RUNX1: variants seen among roughly 807,000 people sequenced by gnomAD.
RUNX1 encodes RUNX family transcription factor 1, also known as runt-related transcription factor 1.
RUNX1 carries 19 observed loss-of-function variants against 42.8 expected under a neutral mutation model. The observed-to-expected ratio is 0.44, with a 90% confidence interval of 0.31 to 0.65. RUNX1 has a LOEUF of 0.65. RUNX1 is among the 30% of genes least tolerant of loss of function. The probability of loss-of-function intolerance (pLI) is 0.07; values close to 1 mark genes in which losing one functional copy is unlikely to be tolerated. For missense variants in RUNX1, 528 were observed against 672.0 expected (o/e 0.79, Z 2.37); for synonymous variants, 271 against 289.4 (o/e 0.94, Z 0.64).
chr21:34,914,943 T>G (rs561051427), intron 2 of RUNX1, among the ~76,000 whole-genome samples: 1 of 152,344 alleles, frequency 6.6e-6, no homozygotes, highest in Admixed American at 6.5e-5. Flanking sequence ...CGAGCCCACT[T>G]AAACCTGATG....
In RUNX1 at chr21:34,843,600, A is replaced by G. The variant is rs1447490849; in HGVS notation, c.614-8999T>C. On this transcript the variant is annotated intron_variant, in intron 6 of 8. Coordinates refer to ENST00000675419, the MANE Select transcript of RUNX1 (RefSeq NM_001754.5). This position sits in a 1 kb window ranked among gnomAD's most constrained non-coding sequence, Gnocchi z 4.8. ...AGCAAGCAACAGTCAATGGACAGGA[A>G]AGGCTGGCCAACGCCAAGGCAAGAT... Among the ~76,000 whole-genome samples the G allele has an allele frequency of 6.6e-6, 1 of 152,222 alleles. No individual in the cohort carries two copies. Among genetic ancestry groups the G allele is most frequent in the Non-Finnish European group, 1.5e-5 (1 of 68,040 alleles).
intron 5 of RUNX1, among the ~76,000 whole-genome samples, chr21:34,862,734 C>T (rs763767854): frequency 1.4e-4 from 22 of 152,126 alleles, no homozygotes; most frequent in South Asian, 4.2e-4. Context: ...GACTTTATCT[C>T]GATTACACCT....
intron 6 of RUNX1, among the ~76,000 whole-genome samples, chr21:34,849,315 T>C (rs1436765701): frequency 2.9e-5 from 1 of 35,066 alleles, no homozygotes; most frequent in African/African-American, 1.0e-4. Context: ...ATATATATTA[T>C]ATATATATTA....
At chr21:34,899,919 A>C (rs1454457064) in intron 2 of RUNX1, among the ~76,000 whole-genome samples, 1 of 152,196 alleles carries the variant, frequency 6.6e-6, no homozygotes. Flanking sequence ...CCAAGGCTGG[A>C]TGATTGCTTG....
intron 2 of RUNX1, among the ~76,000 whole-genome samples, chr21:35,000,476 G>A (rs749747357): frequency 3.3e-5 from 5 of 152,016 alleles, no homozygotes; most frequent in Non-Finnish European, 5.9e-5. Context: ...TCCTGACCTC[G>A]TGATCTGCCC....
intron 2 of RUNX1, among the ~76,000 whole-genome samples, chr21:35,002,323 GCC>G (rs1163294495): frequency 2.0e-5 from 3 of 151,232 alleles, no homozygotes; most frequent in Non-Finnish European, 4.4e-5. Flanking sequence ...ACCCCCAGCT[GCC>G]CCTTATTTGT....
At chr21:34,885,725 C>T (rs1377277529) in intron 4 of RUNX1, among the ~76,000 whole-genome samples, 1 of 152,178 alleles carries the variant, frequency 6.6e-6, no homozygotes, top group African/African-American at 2.4e-5. Flanking sequence ...AAATTAATCT[C>T]CCTTTAAAGG....
chr21:34,828,381 TTGA>T (rs1569031410), intron 7 of RUNX1, among the ~76,000 whole-genome samples: 1 of 152,256 alleles, frequency 6.6e-6, no homozygotes, highest in Non-Finnish European at 1.5e-5. Flanking sequence ...AGACTTGTTT[TTGA>T]TTTCACAAAG....
intron 2 of RUNX1, among the ~76,000 whole-genome samples, chr21:34,965,912 AAC>A (rs375954688): frequency 7.4e-4 from 113 of 152,318 alleles, no homozygotes; most frequent in African/African-American, 2.7e-3. Flanking sequence ...GCCTGTGGTT[AAC>A]AGTTTGGGAA....
intron 7 of RUNX1, chr21:34,829,708 T>G (rs2057036624): frequency 6.6e-6 from 1 of 152,262 alleles, no homozygotes; most frequent in African/African-American, 2.4e-5. Flanking sequence ...ATTTCTGGTG[T>G]TTGATTGTAG....
In RUNX1 at chr21:34,789,437, A is replaced by G. The variant is rs1360834598; in HGVS notation, c.*2698T>C. 4.3e-6 allele frequency: 1 copy of G among 233,650 alleles called. No homozygotes were observed. The highest frequency in any genetic ancestry group is 8.5e-6 in the Non-Finnish European group (1 of 118,074). 14.5% of individuals were successfully genotyped at this position (233,650 alleles called of 1,614,324 possible). A position where few individuals can be genotyped will look rare whatever the true frequency, so the allele number is the denominator to read the frequency against. On this transcript the variant is annotated 3_prime_UTR_variant, in exon 9 of 9. Transcript: ENST00000675419. ...ATAAATAGGGACATGAGTAAGCAGT[A>G]GAAATGGCTTATTCAATACTTCTCC...
chr21:34,878,119 G>A (rs2057840581), intron 5 of RUNX1, among the ~76,000 whole-genome samples: 2 of 147,748 alleles, frequency 1.4e-5, no homozygotes, highest in South Asian at 2.2e-4. Context: ...AAGACTAATT[G>A]TTAAAATTAG....
intron 2 of RUNX1, among the ~76,000 whole-genome samples, chr21:34,935,621 A>G (rs1158951124): frequency 6.6e-6 from 1 of 151,314 alleles, no homozygotes; most frequent in East Asian, 1.9e-4. Context: ...GGGTTTCTCA[A>G]CCTCAGAACT....
chr21:34,879,133 C>T (rs1400071597), intron 5 of RUNX1, among the ~76,000 whole-genome samples: 3 of 152,152 alleles, frequency 2.0e-5, no homozygotes, highest in African/African-American at 2.4e-5. Context: ...TCATCCGAAG[C>T]CTTTAAGATG....
chr21:35,030,858 G>T (rs919550341), intron 2 of RUNX1, among the ~76,000 whole-genome samples: 16 of 151,946 alleles, frequency 1.1e-4, no homozygotes, highest in African/African-American at 3.6e-4. Flanking sequence ...ACTACATAAA[G>T]AACTCAAACA....
At chr21:34,832,056 C>T (rs2057070224) in intron 7 of RUNX1, among the ~76,000 whole-genome samples, 1 of 142,408 alleles carries the variant, frequency 7.0e-6, no homozygotes, top group African/African-American at 2.7e-5. Flanking sequence ...ATAGTTCACA[C>T]ATTCTTTAGA....
chr21:35,029,521 C>T (rs578021323), intron 2 of RUNX1, among the ~76,000 whole-genome samples: 46 of 152,274 alleles, frequency 3.0e-4, no homozygotes, highest in Middle Eastern at 3.4e-3. Context: ...GCCTGGAACA[C>T]GGTTGGTGCT....
intron 2 of RUNX1, among the ~76,000 whole-genome samples, chr21:34,934,434 G>A (rs1384216560): frequency 1.3e-5 from 2 of 152,160 alleles, no homozygotes; most frequent in Admixed American, 6.5e-5. Flanking sequence ...CCACCCAAAG[G>A]AAGTTCAACA....
chr21:34,930,713 TCTCTCTCA>T (rs1343804703), intron 2 of RUNX1, among the ~76,000 whole-genome samples: 167 of 141,598 alleles, frequency 1.2e-3, no homozygotes, highest in Non-Finnish European at 1.9e-3. Context: ...ACTCTCTCTC[TCTCTCTCA>T]CACACACACA....
Sources: gnomAD v4.1 joint callset for allele counts (sites outside exome capture counted in the v4.1 genomes callset) on GRCh38, gnomAD v4.1.1 for gene constraint, Gnocchi (gnomAD v3.1) non-coding constraint, MANE v1.5 for transcripts, NCBI Gene and HGNC (gene_info 2026-07-23, HGNC 2026-07-21) for gene names.